IGSF9B: variants seen among roughly 807,000 people sequenced by gnomAD.
IGSF9B encodes protein turtle homolog B.
A neutral mutation model predicts 143.7 loss-of-function variants in IGSF9B; 48 were observed. The observed-to-expected ratio is 0.33, with a 90% CI of 0.26 to 0.42. The LOEUF (loss-of-function observed/expected upper bound fraction) is 0.42, where lower values mean the gene tolerates loss of function less well. Among genes scored for constraint, IGSF9B ranks in the 20% least tolerant of loss-of-function variants. The probability of loss-of-function intolerance (pLI) is 1.00; values close to 1 mark genes in which losing one functional copy is unlikely to be tolerated. For synonymous variants in IGSF9B, 903 were observed against 833.1 expected (o/e 1.08, Z -1.44); for missense variants, 1,706 against 1,980.0 (o/e 0.86, Z 2.63).
chr11:133,917,284 TG>T (rs1442351785), intron 18 of IGSF9B, among the ~76,000 whole-genome samples: 1 of 152,182 alleles, frequency 6.6e-6, no homozygotes, highest in African/African-American at 2.4e-5. Flanking sequence ...CGGGTGGCCC[TG>T]AGTCTCTGTG....
chr11:133,935,112 G>C (rs1453615366), intron 7 of IGSF9B, among the ~76,000 whole-genome samples: 1 of 152,290 alleles, frequency 6.6e-6, no homozygotes, highest in East Asian at 1.9e-4. Flanking sequence ...GCCACCCAAG[G>C]GGAGAGGCCG....
Position 133,925,951 on chromosome 11 carries a change from T to C in IGSF9B, c.1822A>G (p.Thr608Ala), listed in dbSNP as rs1456610239. 2 of 1,601,946 alleles carry C rather than the reference T, an allele frequency of 1.2e-6. No individual in the cohort carries two copies. The highest frequency in any genetic ancestry group is 1.7e-6 in the Non-Finnish European group (2 of 1,174,242). Residue 608 changes from threonine to alanine, a missense_variant, in exon 14 of 20, where the codon ACT (threonine) becomes GCT (alanine). Around this residue, in one of 7 missense-constraint regions of IGSF9B, gnomAD observed 267 missense variants for 321.1 expected, o/e 0.83. Transcript: ENST00000533871. ...GTGACCAGCACCAGGGGTTCTGGAGTTGTAATAGGGAATGCTGCGGCGGGG... is the reference window on the plus strand; with the variant it reads ...GTGACCAGCACCAGGGGTTCTGGAGCTGTAATAGGGAATGCTGCGGCGGGG... ...TVNTLAFPIT[T>A]PEPLVLVTPP...
intron 3 of IGSF9B, among the ~76,000 whole-genome samples, 197 bp downstream of exon 3, chr11:133,944,017 ACTGCCT>A (rs1266802319): frequency 6.6e-6 from 1 of 152,234 alleles, no homozygotes; most frequent in Non-Finnish European, 1.5e-5. Flanking sequence ...GGGCACCTGC[ACTGCCT>A]GCACAGGCTT....
rs1473659080 is a variant in IGSF9B, at chr11:133,905,340, T to G, written c.*3729A>C. Among the ~76,000 whole-genome samples, 1 of 151,698 alleles carries G rather than the reference T, an allele frequency of 6.6e-6. No homozygotes were observed. The highest frequency in any genetic ancestry group is 1.5e-5 in the Non-Finnish European group (1 of 67,964). The stretch of plus-strand genomic sequence containing the variant: ...CCCTGGAGATTCAGATCGTGGGCAG[T>G]GCCAAAGATGCTGGAGGCTCCGTGA... On this transcript the variant is annotated 3_prime_UTR_variant, in exon 20 of 20. Coordinates refer to ENST00000533871, the MANE Select transcript of IGSF9B (RefSeq NM_001277285.4). The surrounding 1 kb of genome is among the most constrained non-coding windows in gnomAD (Gnocchi z 4.0).
At position 133,922,621 on chromosome 11, in the gene IGSF9B, C is replaced by T; in HGVS notation, c.2229G>A (p.Leu743=). The change falls in exon 16 of 20, where the codon CTG becomes CTA. Residue 743 remains leucine, a synonymous_variant. Coordinates refer to ENST00000533871, the MANE Select transcript of IGSF9B (RefSeq NM_001277285.4). ...FLAAAILFST[L]AACFVNKQRK... ...GCTGCTTGTTGACAAAGCAGGCAGC[C>T]AGGGTGCTGAACAGGATGGCAGCTG... The T allele has an allele frequency of 1.9e-6, 3 of 1,608,072 alleles. No individual in the cohort carries two copies. Among genetic ancestry groups the T allele is most frequent in the Non-Finnish European group, 2.5e-6 (3 of 1,177,400 alleles).
intron 14 of IGSF9B, 50 bp from the exon 15 acceptor site, chr11:133,924,954 A>G: frequency 6.7e-7 from 1 of 1,482,824 alleles, no homozygotes; most frequent in East Asian, 2.3e-5. Flanking sequence ...TGAGATGACC[A>G]CTGTCCCCTC....
At chr11:133,951,081 C>A (rs894901362) in intron 1 of IGSF9B, among the ~76,000 whole-genome samples, 1 of 152,170 alleles carries the variant, frequency 6.6e-6, no homozygotes, top group Non-Finnish European at 1.5e-5. Context: ...AGCCGGCAGA[C>A]CCGGGGCTCT....
At chr11:133,921,444 G>C in intron 17 of IGSF9B, 47 bp from the exon 18 acceptor site, 1 of 1,385,470 alleles carries the variant, frequency 7.2e-7, no homozygotes, top group Non-Finnish European at 9.5e-7. Flanking sequence ...GGGGCAGTGT[G>C]CTGGCCAGGA....
chr11:133,949,703 G>A (rs1386730931), intron 1 of IGSF9B, among the ~76,000 whole-genome samples: 1 of 151,974 alleles, frequency 6.6e-6, no homozygotes, highest in Admixed American at 6.5e-5. Context: ...GGGGGCAGAT[G>A]GAGACTGGAA....
intron 1 of IGSF9B, among the ~76,000 whole-genome samples, chr11:133,952,402 GCA>G: frequency 6.6e-6 from 1 of 152,352 alleles, no homozygotes; most frequent in East Asian, 1.9e-4. Flanking sequence ...GGGCACCGTG[GCA>G]GAGTGGGAGG....
In IGSF9B at chr11:133,929,753, G is replaced by C; in HGVS notation, c.1549C>G (p.Arg517Gly). 6.2e-7 allele frequency: 1 copy of C among 1,613,768 alleles called. No homozygotes were observed. Among genetic ancestry groups the C allele is most frequent in the Non-Finnish European group, 8.5e-7 (1 of 1,179,726 alleles). The change falls in exon 12 of 20, where the codon CGG (arginine) becomes GGG (glycine). Residue 517 changes from arginine to glycine, a missense_variant. Transcript: ENST00000533871. The stretch of plus-strand genomic sequence containing the variant: ...GCAGTTGTCATGGAGACCTGGACCC[G>C]GACACTGCCCGGGGCATGGGGGCTG... Reference protein sequence around the residue: ...GTSPHAPGSVRVQVSMTTANV... With the variant: ...GTSPHAPGSVGVQVSMTTANV...
chr11:133,921,443 T>A (rs1487420520), intron 17 of IGSF9B, 46 bp from the exon 18 acceptor site: 2 of 1,394,430 alleles, frequency 1.4e-6, no homozygotes, highest in South Asian at 3.0e-5. Context: ...TGGGGCAGTG[T>A]GCTGGCCAGG....
Position 133,913,990 on chromosome 11 carries a change from G to T in IGSF9B, c.3984-1983C>A, listed in dbSNP as rs989940181. On this transcript the variant is annotated intron_variant, in intron 18 of 19. Transcript: ENST00000533871. The surrounding 1 kb of genome is among the most constrained non-coding windows in gnomAD (Gnocchi z 4.6). ...CTCTCCAATGTCATCCAGGGCGACC[G>T]CTGGGGCACGAGAGAAACCGGTACA... Among the ~76,000 whole-genome samples, 1 of 152,202 alleles carries T rather than the reference G, an allele frequency of 6.6e-6. No individual in the cohort carries two copies.
rs895570010 is a variant in IGSF9B at position 133,948,989 on chromosome 11, G to A, written c.65-2731C>T. 4.6e-5 allele frequency among the ~76,000 whole-genome samples: 7 copies of A among 152,096 alleles called. No individual in the cohort carries two copies. Among genetic ancestry groups the A allele is most frequent in the African/African-American group, 7.2e-5 (3 of 41,410 alleles). ...AGCCTCATTTTCACTGCACAGCAAC[G>A]AGGCAGGCTCTTCAAATCTTCCCCA... is the stretch of plus-strand genomic sequence containing the variant. On this transcript the variant is annotated intron_variant, in intron 1 of 19. Coordinates refer to ENST00000533871, the MANE Select transcript of IGSF9B (RefSeq NM_001277285.4). The surrounding 1 kb of genome is among the most constrained non-coding windows in gnomAD (Gnocchi z 4.7).
In IGSF9B at chr11:133,920,601, G is replaced by T; in HGVS notation, c.3124C>A (p.Arg1042=). 3 of 1,613,484 alleles carry T rather than the reference G, an allele frequency of 1.9e-6. No individual in the cohort carries two copies. Among genetic ancestry groups the T allele is most frequent in the Non-Finnish European group, 2.5e-6 (3 of 1,179,800 alleles). ...AGCCCCCCGAAGGGGAATTCTGGCC[G>T]GCCCCAGGGCTCAGGGGAGCGCCCT... ...TGGRSPEPWG[R]PEFPFGGLET... Residue 1042 remains arginine, a synonymous_variant, in exon 18 of 20, where the codon CGG becomes AGG. Transcript: ENST00000533871.
In IGSF9B at chr11:133,928,783, G is replaced by A. The variant is rs1354824813; in HGVS notation, c.1631+888C>T. 3.3e-5 allele frequency among the ~76,000 whole-genome samples: 5 copies of A among 152,260 alleles called. No homozygotes were observed. The highest frequency in any genetic ancestry group is 7.4e-5 in the Non-Finnish European group (5 of 68,022). On this transcript the variant is annotated intron_variant, in intron 12 of 19. Coordinates refer to ENST00000533871, the MANE Select transcript of IGSF9B (RefSeq NM_001277285.4). The surrounding 1 kb of genome is among the most constrained non-coding windows in gnomAD (Gnocchi z 4.7). Reference sequence around the variant, plus strand: ...CCCTCACCCCGCTTGGCACATTTTTGAGATCTGTATCTACCCTAAGGTTTG... The same window carrying A: ...CCCTCACCCCGCTTGGCACATTTTTAAGATCTGTATCTACCCTAAGGTTTG...
At chr11:133,952,457 T>G (rs1307161028) in intron 1 of IGSF9B, among the ~76,000 whole-genome samples, 1 of 152,186 alleles carries the variant, frequency 6.6e-6, no homozygotes, top group Admixed American at 6.5e-5. Context: ...CTCTCTGCTC[T>G]CAGGGCTGCA....
In IGSF9B at chr11:133,919,769, G is replaced by A. The variant is rs748898735; in HGVS notation, c.3956C>T (p.Thr1319Ile). 2.0e-6 allele frequency: 3 copies of A among 1,483,696 alleles called. No individual in the cohort carries two copies. The highest frequency in any genetic ancestry group is 2.7e-6 in the Non-Finnish European group (3 of 1,114,552). The allele number at this position is 1,483,696 out of a possible 1,614,324, so 91.9% of individuals were successfully genotyped here. The part of the protein sequence containing the change: ...RTGEELLRPE[T>I]PPPTLPTSGT... ...TGAAGTAGGTAACGTGGGTGGTGGG[G>A]TCTCCGGTCGGAGCAATTCCTCCCC... is the stretch of plus-strand genomic sequence containing the variant. Residue 1319 changes from threonine (T) to isoleucine (I), a missense_variant, in exon 18 of 20, where the codon ACC (threonine) becomes ATC (isoleucine). By Grantham distance (89) the Thr-to-Ile change is moderately conservative (BLOSUM62 -1). Around this residue, in one of 7 missense-constraint regions of IGSF9B, gnomAD observed 880 missense variants for 762.9 expected, o/e 1.15. Coordinates refer to ENST00000533871, the MANE Select transcript of IGSF9B (RefSeq NM_001277285.4).
intron 3 of IGSF9B, among the ~76,000 whole-genome samples, chr11:133,939,332 A>C (rs1446412115): frequency 1.3e-5 from 2 of 152,020 alleles, no homozygotes; most frequent in Admixed American, 6.5e-5. Context: ...GTGCTGTTTC[A>C]TTTTCTTCAA....
Sources: allele counts gnomAD v4.1 joint callset (sites outside exome capture counted in the v4.1 genomes callset), GRCh38; gene constraint gnomAD v4.1.1; regional missense constraint gnomAD v4.1.1; non-coding constraint Gnocchi (gnomAD v3.1); transcripts MANE v1.5; gene names NCBI Gene and HGNC (gene_info 2026-07-23, HGNC 2026-07-21).